DCAF5: variants seen among roughly 807,000 people sequenced by gnomAD.
The protein encoded by DCAF5 is DDB1 and CUL4 associated factor 5, also known as DDB1- and CUL4-associated factor 5.
DCAF5 carries 9 observed loss-of-function variants against 80.7 expected under a neutral mutation model. The observed-to-expected ratio is 0.11, with a 90% CI of 0.07 to 0.19. The LOEUF (loss-of-function observed/expected upper bound fraction) is 0.19, where lower values mean the gene tolerates loss of function less well. Ranked by LOEUF, DCAF5 falls within the 10% of genes least tolerant of loss-of-function variation. DCAF5 has a pLI of 1.00. For synonymous variants in DCAF5, 433 were observed against 461.9 expected (o/e 0.94, Z 0.80); for missense variants, 842 against 1,205.7 (o/e 0.70, Z 4.47).
In DCAF5 at chr14:69,054,554, C is replaced by T. The variant is rs755719330; in HGVS notation, c.2132G>A (p.Cys711Tyr). 1.9e-6 allele frequency: 3 copies of T among 1,614,178 alleles called. No homozygotes were observed. The highest frequency in any genetic ancestry group is 3.3e-4 in the Middle Eastern group (2 of 6,062). The change falls in exon 9 of 9, where the codon TGT becomes TAT. Residue 711 changes from cysteine to tyrosine, a missense_variant. Transcript: ENST00000341516. ...CCTCTGGGCCATTGCTATGTTTAGACAGGCTTCCTTACTGGAAGAAGGGGC... is the reference window on the plus strand; with the variant it reads ...CCTCTGGGCCATTGCTATGTTTAGATAGGCTTCCTTACTGGAAGAAGGGGC... ...NPAPSSSKEA[C>Y]LNIAMAQRNQ...
chr14:69,104,147 C>G, intron 5 of DCAF5, among the ~76,000 whole-genome samples: 1 of 152,174 alleles, frequency 6.6e-6, no homozygotes, highest in Non-Finnish European at 1.5e-5. Context: ...GTAAGCTCAT[C>G]TTTAATATAT....
chr14:69,135,028 A>G (rs1401451827), intron 1 of DCAF5, among the ~76,000 whole-genome samples: 2 of 152,256 alleles, frequency 1.3e-5, no homozygotes, highest in African/African-American at 2.4e-5. Context: ...AGAAGAAACA[A>G]GACAGAATTG....
rs1025645530 is a variant in DCAF5, at chr14:69,053,266, G to A, written c.*591C>T. 1 of 152,250 alleles carries A rather than the reference G, an allele frequency of 6.6e-6. No homozygotes were observed. Among genetic ancestry groups the A allele is most frequent in the African/African-American group, 2.4e-5 (1 of 41,438 alleles). The allele number at this position is 152,250 out of a possible 1,614,324, so 9.4% of individuals were successfully genotyped here. Reference sequence around the variant, plus strand: ...AAGAAGTGTTACTTAGAGAAAACATGGAAGATTTCTTTAAGAAAGGAACCA... The same window carrying A: ...AAGAAGTGTTACTTAGAGAAAACATAGAAGATTTCTTTAAGAAAGGAACCA... On this transcript the variant is annotated 3_prime_UTR_variant, in exon 9 of 9. Coordinates refer to ENST00000341516, the MANE Select transcript of DCAF5 (RefSeq NM_003861.3).
At chr14:69,094,042 A>C (rs2139977382) in intron 5 of DCAF5, among the ~76,000 whole-genome samples, 1 of 152,252 alleles carries the variant, frequency 6.6e-6, no homozygotes, top group Non-Finnish European at 1.5e-5. Flanking sequence ...ACTCAAAAAC[A>C]ATGAGAGGCT....
intron 7 of DCAF5, 61 bp downstream of exon 7, chr14:69,075,284 A>C: frequency 5.1e-6 from 7 of 1,372,412 alleles, no homozygotes; most frequent in Non-Finnish European, 7.2e-6. Context: ...CTCAGGGCAC[A>C]GCATGCCAAA....
intron 6 of DCAF5, among the ~76,000 whole-genome samples, chr14:69,079,029 C>G (rs1484778639): frequency 1.3e-5 from 2 of 152,066 alleles, no homozygotes; most frequent in African/African-American, 2.4e-5. Flanking sequence ...TTTCCTGTTA[C>G]GTTACACGTT....
intron 1 of DCAF5, among the ~76,000 whole-genome samples, chr14:69,125,100 G>C (rs2040835601): frequency 6.6e-6 from 1 of 152,116 alleles, no homozygotes; most frequent in Non-Finnish European, 1.5e-5. Context: ...AAGTCATTGA[G>C]CTAAGATTCA....
chr14:69,135,977 C>T (rs941791142), intron 1 of DCAF5, among the ~76,000 whole-genome samples: 1 of 152,094 alleles, frequency 6.6e-6, no homozygotes, highest in African/African-American at 2.4e-5. Flanking sequence ...AGAAATTATT[C>T]GATATGGTTT....
At chr14:69,123,129 A>C (rs756511733) in intron 1 of DCAF5, among the ~76,000 whole-genome samples, 6 of 152,250 alleles carry the variant, frequency 3.9e-5, no homozygotes, top group Non-Finnish European at 7.3e-5. Flanking sequence ...GCACATCCAT[A>C]CAAGGGCATA....
intron 1 of DCAF5, among the ~76,000 whole-genome samples, chr14:69,124,478 A>G (rs1388937122): frequency 6.6e-6 from 1 of 152,214 alleles, no homozygotes; most frequent in Non-Finnish European, 1.5e-5. Flanking sequence ...TGTCTTTGCT[A>G]CTTGAATTCC....
chr14:69,079,635 A>G (rs1361344973), intron 6 of DCAF5, among the ~76,000 whole-genome samples: 1 of 152,194 alleles, frequency 6.6e-6, no homozygotes, highest in Non-Finnish European at 1.5e-5. Context: ...CAGAAATAAA[A>G]GTGAGGTCAT....
At chr14:69,139,454 C>T (rs1026434307) in intron 1 of DCAF5, among the ~76,000 whole-genome samples, 2 of 151,816 alleles carry the variant, frequency 1.3e-5, no homozygotes, top group African/African-American at 4.8e-5. Context: ...TAGCTATGAT[C>T]ATGCCACTGC....
chr14:69,130,981 T>C (rs2041022716), intron 1 of DCAF5, among the ~76,000 whole-genome samples: 1 of 152,240 alleles, frequency 6.6e-6, no homozygotes, highest in South Asian at 2.1e-4. Context: ...GGTGAGATAA[T>C]GTTTGTAAAA....
intron 1 of DCAF5, among the ~76,000 whole-genome samples, chr14:69,126,503 G>T (rs1431090484): frequency 6.6e-6 from 1 of 152,006 alleles, no homozygotes; most frequent in Non-Finnish European, 1.5e-5. Flanking sequence ...CTTCATCTAT[G>T]GATTCAATGC....
intron 1 of DCAF5, among the ~76,000 whole-genome samples, chr14:69,150,802 G>C (rs1410692996): frequency 2.6e-5 from 4 of 152,066 alleles, no homozygotes; most frequent in Admixed American, 2.0e-4. Flanking sequence ...TGAGGTGGGA[G>C]GTTAGCTTGA....
chr14:69,089,367 A>G (rs1391415705), intron 6 of DCAF5: 1 of 152,184 alleles, frequency 6.6e-6, no homozygotes, highest in East Asian at 1.9e-4. Flanking sequence ...ATATGAACAG[A>G]CTTTTAAGAC....
chr14:69,071,301 T>G (rs1002798299), intron 7 of DCAF5, among the ~76,000 whole-genome samples: 1 of 152,036 alleles, frequency 6.6e-6, no homozygotes, highest in Non-Finnish European at 1.5e-5. Context: ...TCTTTGGAGT[T>G]TGTATAGCAA....
intron 4 of DCAF5, among the ~76,000 whole-genome samples, chr14:69,117,418 C>G (rs1032009114): frequency 2.6e-5 from 4 of 152,176 alleles, no homozygotes; most frequent in African/African-American, 9.7e-5. Context: ...GACCCAGATC[C>G]TGCCAGACAG....
At chr14:69,111,813 T>A (rs1423858243) in intron 5 of DCAF5, among the ~76,000 whole-genome samples, 2 of 152,094 alleles carry the variant, frequency 1.3e-5, no homozygotes, top group African/African-American at 4.8e-5. Flanking sequence ...CACTTGTAAG[T>A]GTGAAATGTT....
Sources: gnomAD v4.1 joint callset for allele counts (sites outside exome capture counted in the v4.1 genomes callset) on GRCh38, gnomAD v4.1.1 for gene constraint, MANE v1.5 for transcripts, NCBI Gene and HGNC (gene_info 2026-07-23, HGNC 2026-07-21) for gene names.